ADH6: variants seen among roughly 807,000 people sequenced by gnomAD.
The protein encoded by ADH6 is alcohol dehydrogenase 6.
Under a neutral mutation model 36.5 loss-of-function variants are expected in ADH6, and 34 were observed. The ratio of observed to expected loss-of-function variants is 0.93; its 90% CI spans 0.71 to 1.24. The LOEUF (loss-of-function observed/expected upper bound fraction) is 1.24, where lower values mean the gene tolerates loss of function less well. Ranked by LOEUF, ADH6 falls within the 50% of genes most tolerant of loss-of-function variation. The pLI, the probability that ADH6 is intolerant of heterozygous loss-of-function variation, is 0.00. For synonymous variants in ADH6, 161 were observed against 155.5 expected (o/e 1.04, Z -0.26); for missense variants, 440 against 447.0 (o/e 0.98, Z 0.14).
In ADH6 at chr4:99,210,268, A is replaced by G; in HGVS notation, c.381T>C (p.Gly127=). Residue 127 remains glycine, a synonymous_variant, in exon 5 of 9, where the codon GGT becomes GGC. Transcript: ENST00000394899. The stretch of plus-strand genomic sequence containing the variant: ...TTCCCTTGCAGGTAAACCTGCTGGT[A>G]CCATCAGACATCAGTTGGGTTTTTG... ...KQSKTQLMSD[G]TSRFTCKGKS... 1.2e-6 allele frequency: 2 copies of G among 1,613,780 alleles called. No homozygotes were observed. The highest frequency in any genetic ancestry group is 1.7e-6 in the Non-Finnish European group (2 of 1,179,834).
intron 6 of ADH6, among the ~76,000 whole-genome samples, chr4:99,208,110 G>A (rs1284033620): frequency 1.3e-5 from 2 of 152,052 alleles, no homozygotes; most frequent in Non-Finnish European, 2.9e-5. Context: ...CTGGGAAAAG[G>A]GCCCAAGTTG....
rs1560806146 is a variant in ADH6, at chr4:99,210,190, T to C, written c.459A>G (p.Ile153Met). The change falls in exon 5 of 9, where the codon ATA becomes ATG. Residue 153 changes from isoleucine to methionine, a missense_variant. By Grantham distance (10) the Ile-to-Met change is conservative. Coordinates refer to ENST00000394899, the MANE Select transcript of ADH6 (RefSeq NM_001102470.2). ...CAATCTTGGCAACTGAGATTTCCTT[T>C]ATCACTGTGTATTCACAGAAGGTGC... ...NTSTFCEYTV[I>M]KEISVAKIDA... 1 of 1,613,842 alleles carries C rather than the reference T, an allele frequency of 6.2e-7. No homozygotes were observed. The highest frequency in any genetic ancestry group is 8.5e-7 in the Non-Finnish European group (1 of 1,179,838).
At chr4:99,210,812 T>C (rs1013007055) in intron 3 of ADH6, among the ~76,000 whole-genome samples, 1 of 152,170 alleles carries the variant, frequency 6.6e-6, no homozygotes, top group African/African-American at 2.4e-5. Context: ...TCAAGTCTTA[T>C]CTCTTCTCAA....
intron 7 of ADH6, 151 bp downstream of exon 7, chr4:99,207,295 T>A (rs1731068021): frequency 5.4e-6 from 5 of 921,408 alleles, no homozygotes; most frequent in Non-Finnish European, 8.0e-6. Flanking sequence ...CCACTATCCA[T>A]CCCTTTATAT....
chr4:99,210,734 C>T (rs1731195534), intron 3 of ADH6, among the ~76,000 whole-genome samples: 1 of 152,094 alleles, frequency 6.6e-6, no homozygotes, highest in African/African-American at 2.4e-5. Flanking sequence ...AGGAACTGGC[C>T]CCAGATTTGC....
At chr4:99,205,322 C>T (rs1052918052) in intron 7 of ADH6, among the ~76,000 whole-genome samples, 2 of 152,022 alleles carry the variant, frequency 1.3e-5, no homozygotes, top group Non-Finnish European at 2.9e-5. Context: ...TTGAGTGTTC[C>T]TGGTGTCATG....
rs764922196 is a variant in ADH6 at position 99,204,694 on chromosome 4, C to A, written c.1103+231G>T. On this transcript the variant is annotated intron_variant, in intron 8 of 8. Coordinates refer to ENST00000394899, the MANE Select transcript of ADH6 (RefSeq NM_001102470.2). ...CATATTGGAAATACAATGCTAATGG[C>A]AAAAGTAACGGTAGGTGAACACTTA... 2.1e-4 allele frequency: 259 copies of A among 1,237,264 alleles called. 1 individual carries two copies. The highest frequency in any genetic ancestry group is 8.2e-5 in the Admixed American group (2 of 24,304). The allele number at this position is 1,237,264 out of a possible 1,614,324, so 76.6% of individuals were successfully genotyped here.
chr4:99,207,461 C>A lies in ADH6; in HGVS notation c.949G>T (p.Gly317Cys). ...TCATCCATACCTCCAAAAACAGAAC[C>A]CTTCAAAGAACGTCCTGAGAAGAAC... ...QLFFSGRSLKGSVFGGWKSRQ... is the reference protein window; with the variant it reads ...QLFFSGRSLKCSVFGGWKSRQ... The change falls in exon 7 of 9, where the codon GGT becomes TGT. Residue 317 changes from glycine (G) to cysteine (C), a missense_variant. Gly to Cys is a radical substitution (Grantham distance 159). Coordinates refer to ENST00000394899, the MANE Select transcript of ADH6 (RefSeq NM_001102470.2). 6.2e-7 allele frequency: 1 copy of A among 1,613,424 alleles called. No individual in the cohort carries two copies. The highest frequency in any genetic ancestry group is 8.5e-7 in the Non-Finnish European group (1 of 1,179,534).
rs768200209 is a variant in ADH6, at chr4:99,210,310, A to C, written c.351-12T>G. The C allele has an allele frequency of 6.2e-7, 1 of 1,607,870 alleles. No homozygotes were observed. Among genetic ancestry groups the C allele is most frequent in the Non-Finnish European group, 8.5e-7 (1 of 1,175,046 alleles). ...GGGTTTTTGACTGTCTTTTATAGAC[A>C]AAACAAAAAACAAAACACAAAGTTT... On this transcript the variant is annotated splice_polypyrimidine_tract_variant and intron_variant, in intron 4 of 8. Transcript: ENST00000394899.
rs1731185038 is a variant in ADH6, at chr4:99,210,455, A to T, written c.310T>A (p.Ser104Thr). Reference sequence around the variant, plus strand: ...AAATTGCCCTCAGAATTCAGGCAAGAGGTACATTCTCCACACTGTGGCAGA... The same window carrying T: ...AAATTGCCCTCAGAATTCAGGCAAGTGGTACATTCTCCACACTGTGGCAGA... ...LFLPQCGECT[S>T]CLNSEGNFCI... Residue 104 changes from serine to threonine, a missense_variant, in exon 4 of 9, where the codon TCT (serine) becomes ACT (threonine). Ser to Thr is a moderately conservative substitution (Grantham distance 58). Transcript: ENST00000394899. 1.2e-6 allele frequency: 2 copies of T among 1,612,274 alleles called. No individual in the cohort carries two copies. Among genetic ancestry groups the T allele is most frequent in the South Asian group, 1.1e-5 (1 of 90,944 alleles).
chr4:99,210,878 C>T (rs1731203297), intron 3 of ADH6, among the ~76,000 whole-genome samples: 1 of 151,994 alleles, frequency 6.6e-6, no homozygotes, highest in Non-Finnish European at 1.5e-5. Context: ...GTATGGATAC[C>T]ACATACTAAC....
At position 99,213,687 on chromosome 4, in the gene ADH6, G is replaced by A. The variant is rs1264496711; in HGVS notation, c.181C>T (p.Leu61Phe). The A allele has an allele frequency of 6.2e-7, 1 of 1,613,832 alleles. No individual in the cohort carries two copies. Among genetic ancestry groups the A allele is most frequent in the Admixed American group, 1.7e-5 (1 of 59,970 alleles). ...MKVLGSKHLDLLYPTILGHEG... is the reference protein window; with the variant it reads ...MKVLGSKHLDFLYPTILGHEG... ...TGGCCCAAGATGGTGGGATACAAGA[G>A]GTCCAAGTGTTTACTCCCCAACACT... The change falls in exon 3 of 9, where the codon CTC becomes TTC. Residue 61 changes from leucine (L) to phenylalanine (F), a missense_variant. Physicochemically the swap from Leu to Phe is conservative, Grantham distance 22. Transcript: ENST00000394899.
At chr4:99,210,576 G>T in intron 3 of ADH6, 74 bp from the exon 4 acceptor site, 1 of 1,176,508 alleles carries the variant, frequency 8.5e-7, no homozygotes, top group South Asian at 1.3e-5. Flanking sequence ...TCAGGATTTT[G>T]ACAGCAAGGC....
At position 99,216,218 on chromosome 4, in the gene ADH6, T is replaced by C; in HGVS notation, c.63A>G (p.Pro21=). 4 of 1,584,634 alleles carry C rather than the reference T, an allele frequency of 2.5e-6. No individual in the cohort carries two copies. Among genetic ancestry groups the C allele is most frequent in the Non-Finnish European group, 3.4e-6 (4 of 1,167,342 alleles). The change falls in exon 2 of 9, where the codon CCA becomes CCG. Residue 21 remains proline (P), a synonymous_variant. Transcript: ENST00000394899. ...CCACTTCTACCTCTTCAATAGAAAATGGTGCACCAGGCTTCCAGAGTATGG... is the reference window on the plus strand; with the variant it reads ...CCACTTCTACCTCTTCAATAGAAAACGGTGCACCAGGCTTCCAGAGTATGG... ...KAAILWKPGA[P]FSIEEVEVAP... is the part of the protein sequence containing the mutation.
intron 5 of ADH6, among the ~76,000 whole-genome samples, chr4:99,209,833 G>A (rs541459844): frequency 6.6e-6 from 1 of 152,148 alleles, no homozygotes; most frequent in African/African-American, 2.4e-5. Flanking sequence ...TTAATTTCCA[G>A]TAATTCCTGA....
In ADH6 at chr4:99,202,677, GGAC is replaced by G. The variant is rs374017764; in HGVS notation, c.*1539_*1541del. ...CGAGCTTTATTGGAGCAAAGAGTGT[GGAC>G]ACTGTTTACAACAAAACGTTTCCGG... On this transcript the variant is annotated 3_prime_UTR_variant, in exon 9 of 9. Transcript: ENST00000394899. 945 of 397,870 alleles carry G rather than the reference GGAC, an allele frequency of 2.4e-3. 11 individuals are homozygous for G. Among genetic ancestry groups the G allele is most frequent in the African/African-American group, 0.018 (884 of 48,666 alleles). 24.6% of individuals were successfully genotyped at this position (397,870 alleles called of 1,614,324 possible). A position where few individuals can be genotyped will look rare whatever the true frequency, so the allele number is the denominator to read the frequency against.
At chr4:99,219,016 A>G in intron 1 of ADH6, 119 bp downstream of exon 1, 4 of 947,010 alleles carry the variant, frequency 4.2e-6, no homozygotes, top group Non-Finnish European at 1.7e-6. Flanking sequence ...TACTATGATT[A>G]TGACAGCCTC....
rs17028740 is a variant in ADH6, at chr4:99,217,809, G to T, written c.18+1326C>A. ...TGGTGGCTGTTTCAGGGTAGGAATG[G>T]CATTACAGTGTGGGAGTTATTTGTG... is the stretch of plus-strand genomic sequence containing the variant. On this transcript the variant is annotated intron_variant, in intron 1 of 8. Transcript: ENST00000394899. 5.5e-3 allele frequency among the ~76,000 whole-genome samples: 839 copies of T among 152,248 alleles called. 8 individuals carry two copies. Among genetic ancestry groups the T allele is most frequent in the African/African-American group, 0.019 (798 of 41,534 alleles).
At position 99,210,214 on chromosome 4, in the gene ADH6, G is replaced by T; in HGVS notation, c.435C>A (p.Ser145Arg). The T allele has an allele frequency of 6.2e-7, 1 of 1,613,754 alleles. No homozygotes were observed. The highest frequency in any genetic ancestry group is 1.1e-5 in the South Asian group (1 of 91,082). ...GKSIYHFGNT[S>R]TFCEYTVIKE... ...TTATCACTGTGTATTCACAGAAGGT[G>T]CTGGTATTACCAAAGTGATATATTG... The change falls in exon 5 of 9, where the codon AGC becomes AGA. Residue 145 changes from serine to arginine, a missense_variant. Physicochemically the swap from Ser to Arg is moderately radical, Grantham distance 110 (BLOSUM62 -1). Coordinates refer to ENST00000394899, the MANE Select transcript of ADH6 (RefSeq NM_001102470.2).
Sources: allele counts gnomAD v4.1 joint callset (sites outside exome capture counted in the v4.1 genomes callset), GRCh38; gene constraint gnomAD v4.1.1; transcripts MANE v1.5; gene names NCBI Gene and HGNC (gene_info 2026-07-23, HGNC 2026-07-21).